EYS: variants seen among roughly 807,000 people sequenced by gnomAD.
The protein encoded by EYS is EGF-like photoreceptor maintenance factor, also known as protein eyes shut homolog.
A neutral mutation model predicts 282.1 loss-of-function variants in EYS; 250 were observed. The observed-to-expected ratio is 0.89, with a 90% CI of 0.80 to 0.98. EYS has a LOEUF of 0.98. Among genes scored for constraint, EYS ranks in the 50% least tolerant of loss-of-function variants. The pLI, the probability that EYS is intolerant of heterozygous loss-of-function variation, is 0.00. For synonymous variants in EYS, 1,355 were observed against 1,282.9 expected, an observed-to-expected ratio of 1.06 and a Z score of -1.20; for missense variants, 4,016 against 3,709.0, an observed-to-expected ratio of 1.08 and a Z score of -2.15.
intron 22 of EYS, among the ~76,000 whole-genome samples, chr6:64,709,019 T>TACACACACACACACACACACACAC (rs36018580): frequency 1.9e-4 from 29 of 150,982 alleles, no homozygotes; most frequent in African/African-American, 6.6e-4. Context: ...CATGCACACA[T>TACACACACACACACACACACACAC]ACACACACAC....
chr6:65,124,434 AT>A (rs1160891004), intron 12 of EYS, among the ~76,000 whole-genome samples: 1 of 152,160 alleles, frequency 6.6e-6, no homozygotes, highest in East Asian at 1.9e-4. Context: ...TACATGCTTA[AT>A]TTTTATATGT....
intron 36 of EYS, among the ~76,000 whole-genome samples, chr6:63,819,795 G>T (rs1771274313): frequency 6.6e-6 from 1 of 152,148 alleles, no homozygotes; most frequent in Admixed American, 6.6e-5. Flanking sequence ...GAAGAACCAT[G>T]ACTAGTAGGG....
At chr6:64,873,455 G>A (rs1766654504) in intron 19 of EYS, among the ~76,000 whole-genome samples, 1 of 152,022 alleles carries the variant, frequency 6.6e-6, no homozygotes, top group East Asian at 1.9e-4. Context: ...AAACATGGGA[G>A]ACACTTTTAT....
chr6:64,222,270 ATGT>A (rs1324268814), intron 31 of EYS, among the ~76,000 whole-genome samples: 1 of 150,772 alleles, frequency 6.6e-6, no homozygotes, highest in Non-Finnish European at 1.5e-5. Flanking sequence ...TAAGGGCATG[ATGT>A]TGTCTTTTAC....
At chr6:63,843,005 T>C (rs1319300510) in intron 36 of EYS, among the ~76,000 whole-genome samples, 1 of 152,226 alleles carries the variant, frequency 6.6e-6, no homozygotes, top group Admixed American at 6.5e-5. Context: ...TTTTGGTTAC[T>C]GTAGACTTGT....
intron 19 of EYS, among the ~76,000 whole-genome samples, chr6:64,871,606 A>G (rs1023090435): frequency 1.3e-5 from 2 of 151,996 alleles, no homozygotes; most frequent in Non-Finnish European, 2.9e-5. Flanking sequence ...AAATAAAGGT[A>G]GGTAACTATG....
chr6:64,890,044 T>TGC (rs1554214880), intron 18 of EYS, among the ~76,000 whole-genome samples: 1 of 56,776 alleles, frequency 1.8e-5, no homozygotes, highest in African/African-American at 7.2e-5. Context: ...GGCCTATAAA[T>TGC]GCCCCCCCCC....
At chr6:64,050,097 A>G (rs1286783926) in intron 33 of EYS, among the ~76,000 whole-genome samples, 1 of 152,202 alleles carries the variant, frequency 6.6e-6, no homozygotes, top group Non-Finnish European at 1.5e-5. Context: ...AAAACATGTT[A>G]TTATAGCAGT....
intron 18 of EYS, among the ~76,000 whole-genome samples, chr6:64,899,762 A>G (rs1358062811): frequency 1.3e-5 from 2 of 152,158 alleles, no homozygotes; most frequent in Non-Finnish European, 2.9e-5. Flanking sequence ...TTCCACGCTC[A>G]TGGATAGGAA....
intron 3 of EYS, 94 bp from the exon 4 acceptor site, chr6:65,495,701 C>T (rs1212329453): frequency 2.2e-6 from 1 of 456,236 alleles, no homozygotes; most frequent in Non-Finnish European, 4.0e-6. Flanking sequence ...TCATAAGAGC[C>T]TACACTGCAA....
chr6:64,269,472 C>CTAGG (rs1767868407), intron 30 of EYS, among the ~76,000 whole-genome samples: 1 of 151,904 alleles, frequency 6.6e-6, no homozygotes, highest in Admixed American at 6.6e-5. Context: ...AGTTATCCCT[C>CTAGG]TAGGTAATCT....
At chr6:65,703,210 A>C (rs13195603) in intron 1 of EYS, among the ~76,000 whole-genome samples, 22,293 of 151,896 alleles carry the variant, frequency 0.15, 1,798 homozygotes, top group South Asian at 0.29. Flanking sequence ...CTCTCTCTCT[A>C]TATATATACT....
chr6:65,213,257 G>A (rs1044198956), intron 12 of EYS, among the ~76,000 whole-genome samples: 7 of 152,148 alleles, frequency 4.6e-5, no homozygotes, highest in South Asian at 2.1e-4. Flanking sequence ...GCGCACCTGC[G>A]GCAACTCTGC....
chr6:65,331,401 T>C (rs1238751732), intron 11 of EYS: 1 of 784,524 alleles, frequency 1.3e-6, no homozygotes, highest in South Asian at 5.9e-5. Context: ...ACATTTTGCA[T>C]ATCTTTTGAC....
intron 14 of EYS, among the ~76,000 whole-genome samples, chr6:64,976,016 G>A (rs1213217209): frequency 6.6e-6 from 1 of 151,648 alleles, no homozygotes; most frequent in African/African-American, 2.4e-5. Flanking sequence ...AAATAAACTA[G>A]TTTGACTGAA....
At chr6:65,369,065 T>C (rs1354374367) in intron 8 of EYS, among the ~76,000 whole-genome samples, 1 of 151,042 alleles carries the variant, frequency 6.6e-6, no homozygotes, top group Non-Finnish European at 1.5e-5. Flanking sequence ...AGCTCTCTGT[T>C]ATTATCACAC....
chr6:64,602,142 A>G (rs1251369618), intron 24 of EYS, among the ~76,000 whole-genome samples: 1 of 151,974 alleles, frequency 6.6e-6, no homozygotes. Context: ...TTTATATGTC[A>G]TTCCTGGTAC....
At chr6:63,744,481 A>C (rs896340248) in intron 41 of EYS, 2 of 152,128 alleles carry the variant, frequency 1.3e-5, no homozygotes, top group African/African-American at 2.4e-5. Flanking sequence ...TGGTGTTCCC[A>C]CTTGCAATGT....
chr6:64,874,736 A>G (rs1005587767), intron 19 of EYS, among the ~76,000 whole-genome samples: 4 of 152,134 alleles, frequency 2.6e-5, no homozygotes, highest in African/African-American at 9.7e-5. Context: ...AGGATTATCC[A>G]TAAGTAAAGC....
Sources: allele counts gnomAD v4.1 joint callset (sites outside exome capture counted in the v4.1 genomes callset), GRCh38; gene constraint gnomAD v4.1.1; transcripts MANE v1.5; gene names NCBI Gene and HGNC (gene_info 2026-07-23, HGNC 2026-07-21).